The following GABRB1 variants were observed in gnomAD, a reference collection of about 807,000 sequenced individuals.
The protein encoded by GABRB1 is gamma-aminobutyric acid type A receptor subunit beta1.
GABRB1 carries 17 observed loss-of-function variants against 51.6 expected under a neutral mutation model. The observed-to-expected ratio is 0.33, with a 90% confidence interval of 0.23 to 0.49. The LOEUF is 0.49. Ranked by LOEUF, GABRB1 falls within the 20% of genes least tolerant of loss-of-function variation. The pLI, the probability that GABRB1 is intolerant of heterozygous loss-of-function variation, is 0.99. For synonymous variants in GABRB1, 247 were observed against 218.9 expected (o/e 1.13, Z -1.14); for missense variants, 410 against 600.6 (o/e 0.68, Z 3.32).
upstream of GABRB1, among the ~76,000 whole-genome samples, chr4:47,028,243 A>G (rs183037139): frequency 6.6e-6 from 1 of 151,920 alleles, no homozygotes; most frequent in African/African-American, 2.4e-5. Context: ...AGATGTTTTG[A>G]TATAGATATG....
intron 1 of GABRB1, among the ~76,000 whole-genome samples, chr4:46,994,976 C>T (rs1577807085): frequency 6.6e-6 from 1 of 152,146 alleles, no homozygotes; most frequent in East Asian, 1.9e-4. Flanking sequence ...TCATCGTGGG[C>T]AGTAGCTAGA....
At chr4:47,143,056 T>C (rs1285093048) in intron 3 of GABRB1, among the ~76,000 whole-genome samples, 1 of 151,872 alleles carries the variant, frequency 6.6e-6, no homozygotes, top group Non-Finnish European at 1.5e-5. Flanking sequence ...AATATGAAAC[T>C]AATAACGAAA....
At chr4:47,171,466 A>G (rs546224978) in intron 4 of GABRB1, among the ~76,000 whole-genome samples, 3 of 151,982 alleles carry the variant, frequency 2.0e-5, no homozygotes, top group South Asian at 2.1e-4. Context: ...CTTCTGCAGG[A>G]CTCTCATCTT....
intron 3 of GABRB1, among the ~76,000 whole-genome samples, chr4:47,074,795 C>T (rs572647209): frequency 3.9e-5 from 6 of 152,224 alleles, no homozygotes; most frequent in East Asian, 3.9e-4. Flanking sequence ...TTACAATTAC[C>T]GATAAGGTTG....
intron 5 of GABRB1, among the ~76,000 whole-genome samples, chr4:47,391,098 C>T (rs1478810426): frequency 1.3e-5 from 2 of 152,110 alleles, no homozygotes; most frequent in African/African-American, 4.8e-5. Flanking sequence ...ATTGCTTGAA[C>T]ATGGGAGGTG....
rs192111936 is a variant in GABRB1, at chr4:47,008,587, C to T, written c.-20+14661C>T. 2.7e-4 allele frequency among the ~76,000 whole-genome samples: 40 copies of T among 150,292 alleles called. 1 individual carries two copies. The highest frequency in any genetic ancestry group is 4.2e-4 in the South Asian group (2 of 4,760). On this transcript the variant is annotated intron_variant, in intron 1 of 3. Coordinates refer to the GABRB1 transcript ENST00000513567. ...AAGTGATTCTCCTGCCTCAGCCTCC[C>T]GGGTAGCTGGGATTACAGGCTCCCG...
chr4:47,239,207 A>T (rs1017306919), intron 4 of GABRB1, among the ~76,000 whole-genome samples: 7 of 152,214 alleles, frequency 4.6e-5, no homozygotes, highest in Admixed American at 4.6e-4. Context: ...ATTTTTAGTA[A>T]GCAGAAGATT....
At chr4:47,355,133 C>A (rs4425355) in intron 5 of GABRB1, among the ~76,000 whole-genome samples, 1 of 151,058 alleles carries the variant, frequency 6.6e-6, no homozygotes, top group Non-Finnish European at 1.5e-5. Flanking sequence ...CTACAGGGAC[C>A]ACACGCCCAG....
At chr4:47,218,999 T>C (rs990990507) in intron 4 of GABRB1, among the ~76,000 whole-genome samples, 1 of 151,820 alleles carries the variant, frequency 6.6e-6, no homozygotes, top group Non-Finnish European at 1.5e-5. Flanking sequence ...TGGTCTATGG[T>C]CAACTGACCT....
intron 3 of GABRB1, among the ~76,000 whole-genome samples, chr4:47,039,947 G>A (rs1048314300): frequency 1.3e-5 from 2 of 152,120 alleles, no homozygotes; most frequent in East Asian, 1.9e-4. Context: ...GTTTGTATAT[G>A]CACTGACAAT....
intron 3 of GABRB1, among the ~76,000 whole-genome samples, chr4:47,044,347 T>G (rs1725992720): frequency 6.6e-6 from 1 of 152,038 alleles, no homozygotes; most frequent in Non-Finnish European, 1.5e-5. Context: ...GTGTATAGTT[T>G]TGGTTTTACT....
At chr4:47,419,379 G>C (rs543499637) in intron 8 of GABRB1, among the ~76,000 whole-genome samples, 1 of 152,292 alleles carries the variant, frequency 6.6e-6, no homozygotes, top group Non-Finnish European at 1.5e-5. Context: ...TTAAGGCTGG[G>C]TGTCATGACC....
At position 47,016,516 on chromosome 4, in the gene GABRB1, T is replaced by C. The variant is rs138887752; in HGVS notation, c.-19-15398T>C. On this transcript the variant is annotated intron_variant, in intron 1 of 3. Transcript: ENST00000513567. The stretch of plus-strand genomic sequence containing the variant: ...ATAAAAGGAAAACGAAATCCAGAAA[T>C]GTTCTTTACCGTCCTCTAGGTGACA... 9.2e-3 allele frequency among the ~76,000 whole-genome samples: 1,406 copies of C among 152,228 alleles called. 21 individuals are homozygous for C. The highest frequency in any genetic ancestry group is 0.031 in the African/African-American group (1,295 of 41,544).
intron 3 of GABRB1, among the ~76,000 whole-genome samples, chr4:47,037,114 C>T (rs569106932): frequency 6.6e-6 from 1 of 152,158 alleles, no homozygotes; most frequent in Non-Finnish European, 1.5e-5. Context: ...ATCAACCAAT[C>T]TCAAATGATG....
Position 47,119,694 on chromosome 4 carries a change from A to G in GABRB1, c.241-41555A>G, listed in dbSNP as rs554846413. Among the ~76,000 whole-genome samples the G allele has an allele frequency of 1.5e-4, 23 of 152,138 alleles. No homozygotes were observed. In the South Asian group the frequency reaches 4.8e-3, roughly 32 times the overall value. On this transcript the variant is annotated intron_variant, in intron 3 of 8. Transcript: ENST00000295454. Reference sequence around the variant, plus strand: ...CAGCTAATTTTGTATTTTTTAGCAGAGACAAGGTTTCTCCATGTTGGTCAG... The same window carrying G: ...CAGCTAATTTTGTATTTTTTAGCAGGGACAAGGTTTCTCCATGTTGGTCAG...
chr4:47,090,406 G>T (rs1473226518), intron 3 of GABRB1, among the ~76,000 whole-genome samples: 1 of 152,178 alleles, frequency 6.6e-6, no homozygotes, highest in Admixed American at 6.5e-5. Context: ...GAATCTGATA[G>T]TAGGATAAAA....
chr4:47,420,416 A>G, intron 8 of GABRB1, among the ~76,000 whole-genome samples: 1 of 152,204 alleles, frequency 6.6e-6, no homozygotes, highest in East Asian at 1.9e-4. Flanking sequence ...ATTATCCCAC[A>G]GAAGAGTTCT....
At chr4:47,109,978 T>C (rs1049151974) in intron 3 of GABRB1, among the ~76,000 whole-genome samples, 1 of 152,026 alleles carries the variant, frequency 6.6e-6, no homozygotes, top group African/African-American at 2.4e-5. Flanking sequence ...AAGCCAGAAA[T>C]CAGAGGTTTA....
At chr4:47,349,840 T>C (rs964753308) in intron 5 of GABRB1, among the ~76,000 whole-genome samples, 13 of 152,224 alleles carry the variant, frequency 8.5e-5, no homozygotes, top group Non-Finnish European at 2.9e-5. Context: ...GCTCTGATAT[T>C]AATTCTTAGA....
Sources: allele counts gnomAD v4.1 joint callset (sites outside exome capture counted in the v4.1 genomes callset), GRCh38; gene constraint gnomAD v4.1.1; transcripts MANE v1.5; gene names NCBI Gene and HGNC (gene_info 2026-07-23, HGNC 2026-07-21).